FRYL: variants seen among roughly 807,000 people sequenced by gnomAD.
The protein encoded by FRYL is FRY like transcription coactivator, also known as protein furry homolog-like.
Under a neutral mutation model 351.2 loss-of-function variants are expected in FRYL, and 150 were observed. The observed-to-expected ratio is 0.43, with a 90% CI of 0.37 to 0.49. The LOEUF is 0.49. Ranked by LOEUF, FRYL falls within the 20% of genes least tolerant of loss-of-function variation. The pLI, the probability that FRYL is intolerant of heterozygous loss-of-function variation, is 0.00. For missense variants in FRYL, 3,036 were observed against 3,619.3 expected (o/e 0.84, Z 4.13); for synonymous variants, 1,153 against 1,257.1 (o/e 0.92, Z 1.75).
At chr4:48,581,006 C>A (rs1022309674) in intron 21 of FRYL, 55 bp from the exon 22 acceptor site, 1 of 1,166,016 alleles carries the variant, frequency 8.6e-7, no homozygotes, top group South Asian at 1.5e-5. Flanking sequence ...AGCAAAGTAG[C>A]CAAACCCAAG....
intron 7 of FRYL, among the ~76,000 whole-genome samples, chr4:48,614,336 C>A (rs565216452): frequency 6.6e-6 from 1 of 152,252 alleles, no homozygotes; most frequent in East Asian, 1.9e-4. Context: ...ATATCTCCAT[C>A]TTTAGCAACA....
At chr4:48,613,308 G>T (rs568822549) in intron 7 of FRYL, among the ~76,000 whole-genome samples, 8 of 152,214 alleles carry the variant, frequency 5.3e-5, no homozygotes, top group African/African-American at 1.9e-4. Flanking sequence ...TGGATTTGGG[G>T]ACATTTCAGA....
chr4:48,710,080 T>C (rs1767836581), intron 2 of FRYL, among the ~76,000 whole-genome samples: 1 of 152,142 alleles, frequency 6.6e-6, no homozygotes, highest in Non-Finnish European at 1.5e-5. Context: ...AGTCAGAATA[T>C]GAAAAGGCAC....
chr4:48,617,445 C>T (rs1381632775), intron 7 of FRYL, among the ~76,000 whole-genome samples: 1 of 151,494 alleles, frequency 6.6e-6, no homozygotes, highest in African/African-American at 2.4e-5. Context: ...AATCCCTAGG[C>T]TCAGGTGATC....
At chr4:48,687,871 G>GA (rs1168617973) in intron 2 of FRYL, among the ~76,000 whole-genome samples, 4 of 152,024 alleles carry the variant, frequency 2.6e-5, no homozygotes, top group Non-Finnish European at 5.9e-5. Flanking sequence ...TCAACATAAG[G>GA]AAAAACGACT....
chr4:48,668,758 T>C (rs1307675362), intron 3 of FRYL, among the ~76,000 whole-genome samples: 9 of 152,188 alleles, frequency 5.9e-5, no homozygotes, highest in Admixed American at 5.9e-4. Context: ...ACCCCAACGA[T>C]AGTCATACAA....
intron 2 of FRYL, among the ~76,000 whole-genome samples, chr4:48,697,287 G>A (rs1276023963): frequency 6.6e-6 from 1 of 151,672 alleles, no homozygotes; most frequent in Admixed American, 6.6e-5. Context: ...TTGAGGTTTT[G>A]ACTTATTTGG....
At chr4:48,666,910 T>A (rs1761806939) in intron 3 of FRYL, among the ~76,000 whole-genome samples, 1 of 152,152 alleles carries the variant, frequency 6.6e-6, no homozygotes. Flanking sequence ...GAACTAAGTA[T>A]AAGAAGAATT....
intron 27 of FRYL, among the ~76,000 whole-genome samples, chr4:48,568,808 A>G (rs1416499916): frequency 6.6e-6 from 1 of 152,160 alleles, no homozygotes; most frequent in African/African-American, 2.4e-5. Context: ...CTACTAGTGG[A>G]TAGGAAACTG....
rs552169942 is a variant in FRYL, at chr4:48,667,544, A to G, written c.-81+17129T>C. On this transcript the variant is annotated intron_variant, in intron 3 of 63. Transcript: ENST00000358350. ...GATAAGCAATATAGTAGGATCTCAA[A>G]TCAAATTAATAAATATTTACTGAAC... Among the ~76,000 whole-genome samples the G allele has an allele frequency of 2.6e-4, 40 of 152,270 alleles. 2 individuals are homozygous for G. In the South Asian group the frequency reaches 6.2e-3, roughly 24 times the overall value.
At chr4:48,751,053 G>A (rs767281163) in intron 1 of FRYL, among the ~76,000 whole-genome samples, 7 of 152,074 alleles carry the variant, frequency 4.6e-5, no homozygotes. Flanking sequence ...TAAATGCCTA[G>A]ATAAAATTAG....
At chr4:48,733,742 T>G (rs1446767953) in intron 1 of FRYL, among the ~76,000 whole-genome samples, 1 of 152,126 alleles carries the variant, frequency 6.6e-6, no homozygotes, top group Admixed American at 6.5e-5. Flanking sequence ...ATTAGGATTA[T>G]TTTATTATAA....
At chr4:48,624,593 T>A (rs114783881) in intron 4 of FRYL, among the ~76,000 whole-genome samples, 2,716 of 152,310 alleles carry the variant, frequency 0.018, 75 homozygotes, top group African/African-American at 0.061. Context: ...TATCTTGCAA[T>A]GGGTTGACAG....
chr4:48,535,800 G>A lies in FRYL; in HGVS notation c.6421C>T (p.Leu2141Phe). The change falls in exon 48 of 64, where the codon CTT (leucine) becomes TTT (phenylalanine). Residue 2141 changes from leucine (L) to phenylalanine (F), a missense_variant. Around this residue, in one of 7 missense-constraint regions of FRYL, gnomAD observed 1,987 missense variants for 2,311.7 expected, o/e 0.86. Transcript: ENST00000358350. ...KVCAEEKCPT[L>F]VNLAHMMSLY... ...CTCATCATGTGTGCCAGATTGACAAGTGTTGGGCATTTTTCTTCTGCACAA... is the reference window on the plus strand; with the variant it reads ...CTCATCATGTGTGCCAGATTGACAAATGTTGGGCATTTTTCTTCTGCACAA... 6.4e-7 allele frequency: 1 copy of A among 1,550,842 alleles called. No homozygotes were observed. The highest frequency in any genetic ancestry group is 8.7e-7 in the Non-Finnish European group (1 of 1,146,232).
intron 3 of FRYL, among the ~76,000 whole-genome samples, chr4:48,646,684 CAGGCTATGCCTACAAT>C (rs1311820796): frequency 6.6e-6 from 1 of 152,178 alleles, no homozygotes; most frequent in Non-Finnish European, 1.5e-5. Flanking sequence ...GACTCTGGCA[CAGGCTATGCCTACAAT>C]AGGCAAGACA....
At chr4:48,657,040 G>T (rs1403867567) in intron 3 of FRYL, among the ~76,000 whole-genome samples, 1 of 152,110 alleles carries the variant, frequency 6.6e-6, no homozygotes, top group Non-Finnish European at 1.5e-5. Context: ...AATCCTTCCT[G>T]AACTTTTATC....
intron 3 of FRYL, among the ~76,000 whole-genome samples, chr4:48,655,907 TTATA>T (rs1200280357): frequency 1.5e-5 from 2 of 133,668 alleles, no homozygotes; most frequent in Non-Finnish European, 3.2e-5. Flanking sequence ...TCTATGTACA[TTATA>T]TATAATGTGT....
chr4:48,716,585 C>G (rs1422275403), intron 1 of FRYL, among the ~76,000 whole-genome samples: 8 of 151,604 alleles, frequency 5.3e-5, no homozygotes, highest in Non-Finnish European at 1.0e-4. Context: ...TCATCTCACA[C>G]CAGTTAGAAT....
At chr4:48,594,780 A>C (rs1281264853) in intron 15 of FRYL, among the ~76,000 whole-genome samples, 1 of 152,196 alleles carries the variant, frequency 6.6e-6, no homozygotes, top group Non-Finnish European at 1.5e-5. Context: ...GCATTTTCCC[A>C]TGTTGACGAG....
Sources: gnomAD v4.1 joint callset for allele counts (sites outside exome capture counted in the v4.1 genomes callset) on GRCh38, gnomAD v4.1.1 for gene constraint, gnomAD v4.1.1 regional missense constraint, MANE v1.5 for transcripts, NCBI Gene and HGNC (gene_info 2026-07-23, HGNC 2026-07-21) for gene names.